The following ARHGAP44 variants were observed in gnomAD, a reference collection of about 807,000 sequenced individuals.
The protein encoded by ARHGAP44 is rho GTPase-activating protein 44.
Under a neutral mutation model 106.8 loss-of-function variants are expected in ARHGAP44, and 43 were observed. The observed-to-expected ratio is 0.40, with a 90% CI of 0.32 to 0.52. ARHGAP44 has a LOEUF of 0.52. Among genes scored for constraint, ARHGAP44 ranks in the 20% least tolerant of loss-of-function variants. ARHGAP44 has a pLI of 0.48. For missense variants in ARHGAP44, 866 were observed against 1,050.5 expected (o/e 0.82, Z 2.43); for synonymous variants, 439 against 410.3 (o/e 1.07, Z -0.85).
At chr17:12,981,746 C>T (rs1253953935) in intron 19 of ARHGAP44, among the ~76,000 whole-genome samples, 1 of 151,450 alleles carries the variant, frequency 6.6e-6, no homozygotes, top group Non-Finnish European at 1.5e-5. Context: ...CGCAGTGGCC[C>T]CTGCCTGTAA....
At chr17:12,900,992 C>T (rs945923279) in intron 3 of ARHGAP44, among the ~76,000 whole-genome samples, 2 of 146,394 alleles carry the variant, frequency 1.4e-5, no homozygotes, top group South Asian at 4.5e-4. Context: ...GGTACAATCT[C>T]GGCTCACTGC....
At chr17:12,908,645 A>G (rs1167722703) in intron 3 of ARHGAP44, among the ~76,000 whole-genome samples, 2 of 152,200 alleles carry the variant, frequency 1.3e-5, no homozygotes, top group South Asian at 4.1e-4. Flanking sequence ...CTCATTTTAA[A>G]ATGCAGCATG....
At chr17:12,847,236 T>A (rs906908643) in intron 1 of ARHGAP44, among the ~76,000 whole-genome samples, 2 of 152,210 alleles carry the variant, frequency 1.3e-5, no homozygotes, top group Non-Finnish European at 2.9e-5. Flanking sequence ...ACTATGTCTC[T>A]ACAAAGTGGA....
intron 4 of ARHGAP44, among the ~76,000 whole-genome samples, chr17:12,910,512 A>C (rs948357376): frequency 7.4e-6 from 1 of 135,492 alleles, no homozygotes; most frequent in Non-Finnish European, 1.5e-5. Context: ...GCAATGACGC[A>C]ATCTCAGCTC....
chr17:12,988,087 A>G (rs1598171252), intron 20 of ARHGAP44: 1 of 152,236 alleles, frequency 6.6e-6, no homozygotes, highest in Admixed American at 6.5e-5. Flanking sequence ...CCTGGAGACA[A>G]GCAGCCACTG....
intron 16 of ARHGAP44, among the ~76,000 whole-genome samples, chr17:12,964,018 G>A (rs1417945476): frequency 6.6e-6 from 1 of 152,166 alleles, no homozygotes; most frequent in African/African-American, 2.4e-5. Context: ...GAGTATTGGT[G>A]TGATATATAG....
rs546614636 is a variant in ARHGAP44, at chr17:12,813,111, C to T, written c.53+23220C>T. ...GAGCTGCTTTGCACCGTCCTGCCCA[C>T]GCTATGTTTTATGTTTTGAATTTGC... On this transcript the variant is annotated intron_variant, in intron 1 of 20. Transcript: ENST00000379672. Among the ~76,000 whole-genome samples, 129 of 152,250 alleles carry T rather than the reference C, an allele frequency of 8.5e-4. 1 individual carries two copies. The highest frequency in any genetic ancestry group is 1.2e-3 in the East Asian group (6 of 5,174).
intron 3 of ARHGAP44, among the ~76,000 whole-genome samples, chr17:12,900,707 A>C (rs1226719619): frequency 6.6e-6 from 1 of 152,088 alleles, no homozygotes; most frequent in Non-Finnish European, 1.5e-5. Context: ...AGGGGGAGGC[A>C]AGCATCATAC....
At position 12,943,681 on chromosome 17, in the gene ARHGAP44, C is replaced by T. The variant is rs746562105; in HGVS notation, c.733+12C>T. 3.1e-6 allele frequency: 5 copies of T among 1,612,866 alleles called. No individual in the cohort carries two copies. The highest frequency in any genetic ancestry group is 4.2e-6 in the Non-Finnish European group (5 of 1,179,518). Reference sequence around the variant, plus strand: ...CAAAGCACAACAGGGTAAGTGCAGGCCTTCCCTGGAGAAGGGAGGGCCGGG... The same window carrying T: ...CAAAGCACAACAGGGTAAGTGCAGGTCTTCCCTGGAGAAGGGAGGGCCGGG... On this transcript the variant is annotated intron_variant, in intron 9 of 20. Coordinates refer to ENST00000379672, the MANE Select transcript of ARHGAP44 (RefSeq NM_014859.6).
chr17:12,897,983 C>A (rs868174702), intron 3 of ARHGAP44, among the ~76,000 whole-genome samples: 1 of 152,036 alleles, frequency 6.6e-6, no homozygotes, highest in South Asian at 2.1e-4. Flanking sequence ...AAGTATAGGG[C>A]ACTGATAGAA....
At chr17:12,820,145 C>T (rs1015230091) in intron 1 of ARHGAP44, among the ~76,000 whole-genome samples, 1 of 151,970 alleles carries the variant, frequency 6.6e-6, no homozygotes, top group Admixed American at 6.6e-5. Flanking sequence ...AGCATTTATT[C>T]CCCATTGTAT....
At chr17:12,848,252 A>G (rs1484554515) in intron 1 of ARHGAP44, among the ~76,000 whole-genome samples, 1 of 152,190 alleles carries the variant, frequency 6.6e-6, no homozygotes, top group Admixed American at 6.5e-5. Flanking sequence ...TGTCTTAAAT[A>G]TTAATAATAT....
Position 12,789,650 on chromosome 17 carries a change from C to T in ARHGAP44, c.-189C>T. 8.2e-6 allele frequency: 3 copies of T among 366,954 alleles called. No homozygotes were observed. The allele number at this position is 366,954 out of a possible 1,614,324, so 22.7% of individuals were successfully genotyped here. A position where few individuals can be genotyped will look rare whatever the true frequency, so the allele number is the denominator to read the frequency against. ...GTGAGGGGGATGCGGCAGGAGGCGG[C>T]GCGGCGGGAGGAGTAGGCGGCGGCG... On this transcript the variant is annotated 5_prime_UTR_variant, in exon 1 of 21. Coordinates refer to ENST00000379672, the MANE Select transcript of ARHGAP44 (RefSeq NM_014859.6).
intron 1 of ARHGAP44, among the ~76,000 whole-genome samples, chr17:12,801,553 A>G (rs2096213505): frequency 6.6e-6 from 1 of 152,162 alleles, no homozygotes; most frequent in Non-Finnish European, 1.5e-5. Flanking sequence ...GGAAAGAAGC[A>G]TAAACAATGA....
chr17:12,926,612 C>T (rs1377092777), intron 6 of ARHGAP44, among the ~76,000 whole-genome samples: 1 of 149,034 alleles, frequency 6.7e-6, no homozygotes, highest in African/African-American at 2.5e-5. Context: ...GTTTTTAAAG[C>T]ATCAAGATAC....
chr17:12,828,977 A>G (rs759982423), intron 1 of ARHGAP44, among the ~76,000 whole-genome samples: 3 of 152,110 alleles, frequency 2.0e-5, no homozygotes, highest in Non-Finnish European at 4.4e-5. Flanking sequence ...TATCACATTC[A>G]TAAAAATTGA....
intron 6 of ARHGAP44, among the ~76,000 whole-genome samples, chr17:12,925,570 T>C (rs1243644104): frequency 6.6e-6 from 1 of 152,130 alleles, no homozygotes; most frequent in Non-Finnish European, 1.5e-5. Flanking sequence ...TACCTGAAAT[T>C]TTAAACCCTT....
At chr17:12,811,889 G>A (rs537838865) in intron 1 of ARHGAP44, among the ~76,000 whole-genome samples, 1 of 152,178 alleles carries the variant, frequency 6.6e-6, no homozygotes, top group Non-Finnish European at 1.5e-5. Context: ...GCATATATTG[G>A]ATTAAGGGTC....
intron 7 of ARHGAP44, among the ~76,000 whole-genome samples, chr17:12,930,725 A>G (rs904447727): frequency 1.3e-5 from 2 of 152,266 alleles, no homozygotes; most frequent in African/African-American, 4.8e-5. Context: ...TATATTCGCT[A>G]TTGTGCCAAA....
Sources: gnomAD v4.1 joint callset for allele counts (sites outside exome capture counted in the v4.1 genomes callset) on GRCh38, gnomAD v4.1.1 for gene constraint, MANE v1.5 for transcripts, NCBI Gene and HGNC (gene_info 2026-07-23, HGNC 2026-07-21) for gene names.